CLRN1: variants seen among roughly 807,000 people sequenced by gnomAD.
CLRN1 encodes the protein clarin-1.
In CLRN1, 15 loss-of-function variants were observed where a neutral mutation model predicts 18.7. The ratio of observed to expected loss-of-function variants is 0.80; its 90% confidence interval spans 0.54 to 1.23. CLRN1 has a LOEUF of 1.23. Ranked by LOEUF, CLRN1 falls within the 50% of genes most tolerant of loss-of-function variation. The pLI is 0.00. For synonymous variants in CLRN1, 104 were observed against 102.9 expected (o/e 1.01, Z -0.07); for missense variants, 311 against 277.5 (o/e 1.12, Z -0.86).
At chr3:150,950,561 A>G (rs1714428903) in intron 1 of CLRN1, among the ~76,000 whole-genome samples, 1 of 152,276 alleles carries the variant, frequency 6.6e-6, no homozygotes, top group Non-Finnish European at 1.5e-5. Flanking sequence ...AAAGCTCAAC[A>G]TCACTGATCA....
chr3:150,951,140 T>C (rs1714462155), intron 1 of CLRN1, among the ~76,000 whole-genome samples: 1 of 152,082 alleles, frequency 6.6e-6, no homozygotes, highest in Admixed American at 6.6e-5. Context: ...TGGGATCTTC[T>C]TGAGGATGGA....
In CLRN1 at chr3:150,927,758, C is replaced by T; in HGVS notation, c.*178G>A. 1.1e-6 allele frequency: 1 copy of T among 881,516 alleles called. No individual in the cohort carries two copies. Among genetic ancestry groups the T allele is most frequent in the Non-Finnish European group, 1.8e-6 (1 of 550,776 alleles). 54.6% of individuals were successfully genotyped at this position (881,516 alleles called of 1,614,324 possible). A position where few individuals can be genotyped will look rare whatever the true frequency, so the allele number is the denominator to read the frequency against. Reference sequence around the variant, plus strand: ...ACCAGATAAAACAACTTTTCAAAGCCTTCCTTCTGCTTCCCTTACTTTCCA... The same window carrying T: ...ACCAGATAAAACAACTTTTCAAAGCTTTCCTTCTGCTTCCCTTACTTTCCA... On this transcript the variant is annotated 3_prime_UTR_variant, in exon 3 of 3. Transcript: ENST00000327047.
intron 1 of CLRN1, among the ~76,000 whole-genome samples, chr3:150,947,293 G>GA (rs60969746): frequency 7.3e-5 from 11 of 150,654 alleles, no homozygotes; most frequent in African/African-American, 2.4e-4. Context: ...AACCAACAAA[G>GA]AAAAAAAAAG....
At chr3:150,938,486 A>C (rs1713620003) in intron 2 of CLRN1, among the ~76,000 whole-genome samples, 1 of 152,164 alleles carries the variant, frequency 6.6e-6, no homozygotes, top group African/African-American at 2.4e-5. Context: ...TATGAGATTT[A>C]AGGGGAATGA....
At chr3:150,948,344 C>A (rs1485615414) in intron 1 of CLRN1, among the ~76,000 whole-genome samples, 1 of 151,824 alleles carries the variant, frequency 6.6e-6, no homozygotes, top group African/African-American at 2.4e-5. Context: ...ATTAGCCGGA[C>A]GTGGTAGCGG....
chr3:150,945,435 A>T, intron 1 of CLRN1: 1 of 1,121,152 alleles, frequency 8.9e-7, no homozygotes, highest in Non-Finnish European at 1.2e-6. Flanking sequence ...TCCTGACCAC[A>T]TGCTGGAAGG....
intron 2 of CLRN1, among the ~76,000 whole-genome samples, chr3:150,930,424 A>T (rs747387405): frequency 6.6e-6 from 1 of 152,202 alleles, no homozygotes; most frequent in Non-Finnish European, 1.5e-5. Context: ...AATTTCACAT[A>T]GGACTGGCCA....
intron 1 of CLRN1, among the ~76,000 whole-genome samples, chr3:150,969,690 T>A (rs969351184): frequency 6.6e-6 from 1 of 152,116 alleles, no homozygotes; most frequent in Non-Finnish European, 1.5e-5. Context: ...TGCAAAATAG[T>A]GTTTATCCAC....
chr3:150,927,849 A>T lies in CLRN1; in HGVS notation c.*87T>A. The T allele has an allele frequency of 6.8e-7, 1 of 1,468,364 alleles. No individual in the cohort carries two copies. Among genetic ancestry groups the T allele is most frequent in the East Asian group, 2.3e-5 (1 of 44,142 alleles). The allele number at this position is 1,468,364 out of a possible 1,614,324, so 91.0% of individuals were successfully genotyped here. A position where few individuals can be genotyped will look rare whatever the true frequency, so the allele number is the denominator to read the frequency against. On this transcript the variant is annotated 3_prime_UTR_variant, in exon 3 of 3. Coordinates refer to ENST00000327047, the MANE Select transcript of CLRN1 (RefSeq NM_174878.3). ...AGGGTCCTGATGCTTTAATATATGCAGACTAAAAGGATATGCAAAATTAAC... is the reference window on the plus strand; with the variant it reads ...AGGGTCCTGATGCTTTAATATATGCTGACTAAAAGGATATGCAAAATTAAC...
intron 1 of CLRN1, among the ~76,000 whole-genome samples, chr3:150,947,731 A>G (rs1403437504): frequency 2.6e-5 from 4 of 152,256 alleles, no homozygotes; most frequent in Non-Finnish European, 4.4e-5. Flanking sequence ...TAAAAATAGA[A>G]GTCAAGACTA....
At chr3:150,935,977 C>T (rs944070874) in intron 2 of CLRN1, among the ~76,000 whole-genome samples, 9 of 151,862 alleles carry the variant, frequency 5.9e-5, no homozygotes, top group Non-Finnish European at 1.2e-4. Context: ...CCTTCACCCA[C>T]TTTTTGATGG....
At chr3:150,943,432 G>A (rs1200275799) in intron 1 of CLRN1, among the ~76,000 whole-genome samples, 1 of 152,180 alleles carries the variant, frequency 6.6e-6, no homozygotes, top group Non-Finnish European at 1.5e-5. Flanking sequence ...ATCAGAGAGA[G>A]GAAACTTGAC....
chr3:150,958,579 T>C (rs1210767073), intron 1 of CLRN1, among the ~76,000 whole-genome samples: 1 of 152,250 alleles, frequency 6.6e-6, no homozygotes, highest in Non-Finnish European at 1.5e-5. Flanking sequence ...AGGACCACAA[T>C]AAGTTCTTCA....
chr3:150,946,704 C>CTTTTTTTT (rs34471891), intron 1 of CLRN1, among the ~76,000 whole-genome samples: 103 of 110,552 alleles, frequency 9.3e-4, no homozygotes, highest in East Asian at 1.2e-3. Context: ...CAGACCATTT[C>CTTTTTTTT]TTTTTTTTTT....
chr3:150,961,659 A>G (rs1347413639), intron 1 of CLRN1, among the ~76,000 whole-genome samples: 2 of 152,134 alleles, frequency 1.3e-5, no homozygotes, highest in African/African-American at 4.8e-5. Context: ...TGTGTTTTTT[A>G]AAAAAGTATT....
intron 1 of CLRN1, among the ~76,000 whole-genome samples, chr3:150,958,143 A>T (rs1473939555): frequency 2.0e-5 from 3 of 152,238 alleles, no homozygotes; most frequent in Non-Finnish European, 2.9e-5. Context: ...GATCAAATTA[A>T]ACATGATTAA....
At chr3:150,941,848 T>A (rs933928036) in intron 1 of CLRN1, 87 bp from the exon 2 acceptor site, 11 of 1,228,178 alleles carry the variant, frequency 9.0e-6, no homozygotes, top group Non-Finnish European at 1.3e-5. Flanking sequence ...CTCTCTTTTT[T>A]AATTTCAAAC....
At position 150,927,511 on chromosome 3, in the gene CLRN1, C is replaced by T. The variant is rs778645950; in HGVS notation, c.*425G>A. The T allele has an allele frequency of 3.5e-4, 157 of 454,260 alleles. 1 individual carries two copies. Among genetic ancestry groups the T allele is most frequent in the Non-Finnish European group, 1.2e-4 (27 of 227,376 alleles). 28.1% of individuals were successfully genotyped at this position (454,260 alleles called of 1,614,324 possible). A position where few individuals can be genotyped will look rare whatever the true frequency, so the allele number is the denominator to read the frequency against. ...TTAATACACTACTGTTTTAGGAAAGCGATTGCAGCTCAGTTTTCTGAAATC... is the reference window on the plus strand; with the variant it reads ...TTAATACACTACTGTTTTAGGAAAGTGATTGCAGCTCAGTTTTCTGAAATC... On this transcript the variant is annotated 3_prime_UTR_variant, in exon 3 of 3. Coordinates refer to ENST00000327047, the MANE Select transcript of CLRN1 (RefSeq NM_174878.3).
chr3:150,933,999 T>G (rs1713312258), intron 2 of CLRN1, among the ~76,000 whole-genome samples: 1 of 152,204 alleles, frequency 6.6e-6, no homozygotes, highest in South Asian at 2.1e-4. Flanking sequence ...AAATCCTTTA[T>G]TCTTCCTCAG....
Sources: gnomAD v4.1 joint callset for allele counts (sites outside exome capture counted in the v4.1 genomes callset) on GRCh38, gnomAD v4.1.1 for gene constraint, MANE v1.5 for transcripts, NCBI Gene and HGNC (gene_info 2026-07-23, HGNC 2026-07-21) for gene names.